ARAP2: variants seen among roughly 807,000 people sequenced by gnomAD.
The protein encoded by ARAP2 is arf-GAP with Rho-GAP domain, ANK repeat and PH domain-containing protein 2.
A neutral mutation model predicts 194.5 loss-of-function variants in ARAP2; 148 were observed. The observed-to-expected ratio is 0.76, with a 90% confidence interval of 0.67 to 0.87. ARAP2 has a LOEUF of 0.87. ARAP2 is among the 40% of genes least tolerant of loss of function. The pLI is 0.00. For missense variants in ARAP2, 2,128 were observed against 1,989.7 expected (o/e 1.07, Z -1.32); for synonymous variants, 695 against 683.5 (o/e 1.02, Z -0.26).
chr4:36,177,733 C>A, intron 9 of ARAP2, 94 bp downstream of exon 9: 1 of 1,298,402 alleles, frequency 7.7e-7, no homozygotes. Flanking sequence ...AAACAAGACT[C>A]TATAAGTAAA....
chr4:36,205,343 T>C (rs1745325025), intron 6 of ARAP2, among the ~76,000 whole-genome samples: 2 of 151,936 alleles, frequency 1.3e-5, no homozygotes, highest in South Asian at 4.1e-4. Flanking sequence ...ATAAAACAAA[T>C]GCTAAAGTAA....
At chr4:36,243,150 G>C (rs1441002235) in intron 1 of ARAP2, among the ~76,000 whole-genome samples, 1 of 151,694 alleles carries the variant, frequency 6.6e-6, no homozygotes, top group African/African-American at 2.4e-5. Flanking sequence ...AAGTTAGCTT[G>C]CTTTTTATCT....
In ARAP2 at chr4:36,229,129, A is replaced by G. The variant is rs1322071632; in HGVS notation, c.358T>C (p.Leu120=). 6.2e-7 allele frequency: 1 copy of G among 1,613,950 alleles called. No homozygotes were observed. Among genetic ancestry groups the G allele is most frequent in the East Asian group, 2.2e-5 (1 of 44,892 alleles). ...GSVQTSSPPQ[L]ETVRKNLEDS... is the part of the protein sequence containing the mutation. ...TCAAGATTTTTTCTAACAGTCTCCA[A>G]CTGCGGTGGGCTAGATGTCTGAACA... The change falls in exon 2 of 33, where the codon TTG becomes CTG. Residue 120 remains leucine, a synonymous_variant. Coordinates refer to ENST00000303965, the MANE Select transcript of ARAP2 (RefSeq NM_015230.4).
intron 5 of ARAP2, among the ~76,000 whole-genome samples, chr4:36,045,184 T>A (rs1345548100): frequency 6.6e-6 from 1 of 152,162 alleles, no homozygotes; most frequent in African/African-American, 2.4e-5. Flanking sequence ...GCAATCCCAG[T>A]TCTGGGTATA....
chr4:36,158,690 G>A (rs1469751542), intron 15 of ARAP2, 40 bp downstream of exon 15: 18 of 1,510,112 alleles, frequency 1.2e-5, no homozygotes, highest in Non-Finnish European at 1.4e-5. Context: ...ATGGAATAAA[G>A]TTTTTATCTG....
chr4:36,232,279 C>A (rs543226962), intron 1 of ARAP2, among the ~76,000 whole-genome samples: 2 of 152,182 alleles, frequency 1.3e-5, no homozygotes, highest in Non-Finnish European at 2.9e-5. Flanking sequence ...TTACTGCAAT[C>A]GTCTCTGAAC....
intron 24 of ARAP2, among the ~76,000 whole-genome samples, chr4:36,117,505 C>T (rs535591174): frequency 6.6e-6 from 1 of 151,526 alleles, no homozygotes; most frequent in Non-Finnish European, 1.5e-5. Flanking sequence ...ACAGGATAAA[C>T]AAAATGAGGG....
intron 1 of ARAP2, among the ~76,000 whole-genome samples, chr4:36,059,528 A>G (rs1724060539): frequency 6.6e-6 from 1 of 152,184 alleles, no homozygotes; most frequent in Admixed American, 6.5e-5. Flanking sequence ...TATATTTGAG[A>G]TGCTAGTTGT....
At chr4:36,121,037 T>TA (rs963057115) in intron 23 of ARAP2, 142 bp downstream of exon 23, 2 of 625,564 alleles carry the variant, frequency 3.2e-6, no homozygotes, top group South Asian at 6.6e-5. Context: ...ATCTATAATT[T>TA]AAAAAAATAT....
At chr4:36,082,338 C>G (rs988850146) in intron 29 of ARAP2, 52 bp from the exon 30 acceptor site, 1 of 1,539,198 alleles carries the variant, frequency 6.5e-7, no homozygotes, top group Non-Finnish European at 8.9e-7. Context: ...ATACATTTTA[C>G]AAGACAGAAA....
chr4:36,126,971 G>A (rs1378556055), intron 21 of ARAP2, among the ~76,000 whole-genome samples: 2 of 151,992 alleles, frequency 1.3e-5, no homozygotes, highest in Non-Finnish European at 2.9e-5. Flanking sequence ...CAGAATAGCT[G>A]AGCCTACAGG....
Position 36,067,537 on chromosome 4 carries a change from A to C in ARAP2, c.*370T>G, listed in dbSNP as rs1330845064. On this transcript the variant is annotated 3_prime_UTR_variant, in exon 33 of 33. Transcript: ENST00000303965. ...TCAAAGTGCAAAATATGTTACAGAT[A>C]GTTTCTTAGGCTTCATTTAAACACA... 4 of 157,994 alleles carry C rather than the reference A, an allele frequency of 2.5e-5. No individual in the cohort carries two copies. The East Asian group carries it at 7.5e-4, about 29-fold the overall frequency. The allele number at this position is 157,994 out of a possible 1,614,324, so 9.8% of individuals were successfully genotyped here. A position where few individuals can be genotyped will look rare whatever the true frequency, so the allele number is the denominator to read the frequency against.
chr4:36,010,799 G>C (rs1010805195), intron 9 of ARAP2, among the ~76,000 whole-genome samples: 1 of 152,054 alleles, frequency 6.6e-6, no homozygotes, highest in Non-Finnish European at 1.5e-5. Flanking sequence ...GGGATATATG[G>C]TAAGATAGCA....
chr4:36,172,416 A>C (rs1366126774), intron 9 of ARAP2, among the ~76,000 whole-genome samples: 1 of 152,252 alleles, frequency 6.6e-6, no homozygotes, highest in Admixed American at 6.5e-5. Context: ...TGATACATCC[A>C]CTTAATTCTT....
intron 15 of ARAP2, among the ~76,000 whole-genome samples, chr4:36,156,411 GAAAGAAAGAAAGAA>G (rs1732454734): frequency 1.1e-4 from 5 of 44,066 alleles, no homozygotes; most frequent in African/African-American, 2.7e-4. Flanking sequence ...AAGAAAGAAA[GAAAGAAAGAAAGAA>G]AGAAAGAAAG....
In ARAP2 at chr4:36,156,354, A is replaced by AGAGGGAG. The variant is rs1553923178; in HGVS notation, c.2752+2369_2752+2375dup. Among the ~76,000 whole-genome samples the AGAGGGAG allele has an allele frequency of 4.8e-5, 2 of 41,316 alleles. 1 individual carries two copies. The highest frequency in any genetic ancestry group is 2.1e-4 in the African/African-American group (2 of 9,318). The allele number at this position is 41,316 out of a possible 152,430, so 27.1% of individuals were successfully genotyped here. A position where few individuals can be genotyped will look rare whatever the true frequency, so the allele number is the denominator to read the frequency against. ...GAGGGAGGGAAAGAGAGAGAGAGAG[A>AGAGGGAG]GAGGGAGGGAGGGAGGGAGGGGGAA... is the stretch of plus-strand genomic sequence containing the variant. On this transcript the variant is annotated intron_variant, in intron 15 of 32. Transcript: ENST00000303965.
At chr4:36,216,019 G>T (rs1747860385) in intron 2 of ARAP2, among the ~76,000 whole-genome samples, 1 of 151,502 alleles carries the variant, frequency 6.6e-6, no homozygotes, top group Non-Finnish European at 1.5e-5. Context: ...GCCAAGGTGG[G>T]CAGATTTCTT....
At chr4:36,145,758 G>A (rs1466570221) in intron 19 of ARAP2, among the ~76,000 whole-genome samples, 1 of 151,826 alleles carries the variant, frequency 6.6e-6, no homozygotes, top group Admixed American at 6.6e-5. Flanking sequence ...GCTTCTTTGT[G>A]TGATCATTCT....
chr4:36,009,080 C>T (rs1310917700), intron 9 of ARAP2, among the ~76,000 whole-genome samples: 1 of 151,990 alleles, frequency 6.6e-6, no homozygotes, highest in Non-Finnish European at 1.5e-5. Flanking sequence ...AAAAAAGAAA[C>T]ACATACACTG....
Sources: gnomAD v4.1 joint callset for allele counts (sites outside exome capture counted in the v4.1 genomes callset) on GRCh38, gnomAD v4.1.1 for gene constraint, MANE v1.5 for transcripts, NCBI Gene and HGNC (gene_info 2026-07-23, HGNC 2026-07-21) for gene names.